The following KRABD3 variants were observed in gnomAD, a reference collection of about 807,000 sequenced individuals.
KRABD3 encodes the protein KRAB domain containing 3.
the KRABD3 span, chr7:149,722,118 G>T: frequency 2.2e-6 from 1 of 452,108 alleles, no homozygotes; most frequent in Non-Finnish European, 4.1e-6. Context: ...TGTGCCCTGT[G>T]TGTGCCCTGG....
chr7:149,723,260 A>G, the KRABD3 span, among the ~76,000 whole-genome samples: 1 of 152,168 alleles, frequency 6.6e-6, no homozygotes. Context: ...GGCATGATGC[A>G]TGGGGTGGGC....
chr7:149,719,351 A>G, the KRABD3 span: 1 of 523,038 alleles, frequency 1.9e-6, no homozygotes, highest in South Asian at 3.0e-5. This position sits in a 1 kb window ranked among gnomAD's most constrained non-coding sequence, Gnocchi z 5.6. Flanking sequence ...CGTGAGGGTT[A>G]GGACTTCAGC....
chr7:149,721,736 A>T, the KRABD3 span: 1 of 723,372 alleles, frequency 1.4e-6, no homozygotes, highest in South Asian at 1.5e-5. Context: ...AGGAGGCATG[A>T]TGCTCAGCCC....
At chr7:149,721,235 C>G in the KRABD3 span, 1 of 1,097,222 alleles carries the variant, frequency 9.1e-7, no homozygotes, top group Non-Finnish European at 1.3e-6. Context: ...CACCATGGCC[C>G]CATTCAGAGC....
At chr7:149,732,223 G>T in the KRABD3 span, among the ~76,000 whole-genome samples, 2 of 152,162 alleles carry the variant, frequency 1.3e-5, no homozygotes, top group African/African-American at 2.4e-5. This position sits in a 1 kb window ranked among gnomAD's most constrained non-coding sequence, Gnocchi z 4.0. Flanking sequence ...TTCTCTTACT[G>T]GCTCAGGGTG....
At chr7:149,719,973 C>A in the KRABD3 span, 2 of 1,531,456 alleles carry the variant, frequency 1.3e-6, no homozygotes, top group Non-Finnish European at 1.8e-6. This position sits in a 1 kb window ranked among gnomAD's most constrained non-coding sequence, Gnocchi z 5.6. Context: ...GAGACCACTC[C>A]ATTCCCAGGG....
chr7:149,721,553 G>C, the KRABD3 span: 19 of 1,608,598 alleles, frequency 1.2e-5, no homozygotes, highest in Non-Finnish European at 1.6e-5. Context: ...TGACACAGCA[G>C]GGACAGGGAG....
the KRABD3 span, chr7:149,729,640 G>A: frequency 3.0e-6 from 3 of 985,434 alleles, no homozygotes; most frequent in Middle Eastern, 5.2e-4. Flanking sequence ...GGGGGCTCCC[G>A]CCGTCCACTG....
the KRABD3 span, chr7:149,730,191 C>A: frequency 6.4e-7 from 1 of 1,574,644 alleles, no homozygotes. Flanking sequence ...GGAGAGCGCC[C>A]TGAGGGGGAT....
the KRABD3 span, chr7:149,722,138 C>T: frequency 2.1e-6 from 1 of 477,612 alleles, no homozygotes; most frequent in Non-Finnish European, 3.8e-6. Flanking sequence ...GTTTGAGAAG[C>T]GTGAGTGTGA....
the KRABD3 span, chr7:149,723,830 C>T: frequency 1.2e-6 from 2 of 1,613,834 alleles, no homozygotes; most frequent in Admixed American, 3.3e-5. Flanking sequence ...CCCAGTCCCT[C>T]AGGAGTGGGG....
chr7:149,731,879 A>T, the KRABD3 span: 3 of 749,652 alleles, frequency 4.0e-6, no homozygotes, highest in Non-Finnish European at 6.8e-6. Context: ...GATGGGTAGG[A>T]AGTCTCACCT....
the KRABD3 span, among the ~76,000 whole-genome samples, chr7:149,726,973 C>G: frequency 2.0e-5 from 3 of 152,160 alleles, no homozygotes; most frequent in Non-Finnish European, 1.5e-5. Context: ...AAAGAATTGC[C>G]TGTAATATCA....
chr7:149,716,118 G>A, the KRABD3 span, among the ~76,000 whole-genome samples: 1 of 152,226 alleles, frequency 6.6e-6, no homozygotes, highest in Admixed American at 6.5e-5. Flanking sequence ...TGTGAGCACA[G>A]CCTCCAGGTT....
the KRABD3 span, among the ~76,000 whole-genome samples, chr7:149,724,057 G>T: frequency 0.08 from 12,170 of 152,240 alleles, 1,685 homozygotes; most frequent in African/African-American, 0.28. Flanking sequence ...AGCGAGCTGT[G>T]TGGGAGGGGC....
chr7:149,731,741 G>T, the KRABD3 span: 1 of 1,612,302 alleles, frequency 6.2e-7, no homozygotes, highest in Non-Finnish European at 8.5e-7. Context: ...GCATCCAGAG[G>T]CCTGGAGCTT....
chr7:149,732,370 C>T, the KRABD3 span, among the ~76,000 whole-genome samples: 6 of 152,266 alleles, frequency 3.9e-5, no homozygotes, highest in East Asian at 1.9e-4. The surrounding 1 kb of genome is among the most constrained non-coding windows in gnomAD (Gnocchi z 4.0). Context: ...GACCAAACAG[C>T]GGTTGGGTCC....
the KRABD3 span, chr7:149,715,364 T>C: frequency 8.5e-7 from 1 of 1,174,474 alleles, no homozygotes; most frequent in East Asian, 3.7e-5. Flanking sequence ...GTAAATCTCA[T>C]ACTTCTGTTC....
At chr7:149,725,481 C>G in the KRABD3 span, 1 of 1,606,120 alleles carries the variant, frequency 6.2e-7, no homozygotes, top group Non-Finnish European at 8.5e-7. Flanking sequence ...ACAGATCACA[C>G]AGTGAAGGTA....
Sources: gnomAD v4.1 joint callset for allele counts (sites outside exome capture counted in the v4.1 genomes callset) on GRCh38, gnomAD v4.1.1 for gene constraint, Gnocchi (gnomAD v3.1) non-coding constraint, MANE v1.5 for transcripts, NCBI Gene and HGNC (gene_info 2026-07-23, HGNC 2026-07-21) for gene names.